The following ASTN2 variants were observed in gnomAD, a reference collection of about 807,000 sequenced individuals.
The protein encoded by ASTN2 is astrotactin-2.
A neutral mutation model predicts 139.8 loss-of-function variants in ASTN2; 54 were observed. The observed-to-expected ratio is 0.39, with a 90% CI of 0.31 to 0.48. The LOEUF is 0.48. Among genes scored for constraint, ASTN2 ranks in the 20% least tolerant of loss-of-function variants. The pLI, the probability that ASTN2 is intolerant of heterozygous loss-of-function variation, is 0.95. For missense variants in ASTN2, 1,565 were observed against 1,725.1 expected (o/e 0.91, Z 1.64); for synonymous variants, 756 against 719.5 (o/e 1.05, Z -0.81).
chr9:117,402,185 G>T, intron 1 of ASTN2, among the ~76,000 whole-genome samples: 1 of 152,140 alleles, frequency 6.6e-6, no homozygotes, highest in East Asian at 1.9e-4. Flanking sequence ...TCCTGCCCCG[G>T]CCTCCTCTGT....
In ASTN2 at chr9:116,623,113, T is replaced by C. The variant is rs1272316032; in HGVS notation, c.3073-2670A>G. ...AGTGACACAGATGGGAAGGTTGCACTGGACCCCAGCAATGGGAAGAGAGAG... is the reference window on the plus strand; with the variant it reads ...AGTGACACAGATGGGAAGGTTGCACCGGACCCCAGCAATGGGAAGAGAGAG... On this transcript the variant is annotated intron_variant, in intron 17 of 22. Coordinates refer to ENST00000313400, the MANE Select transcript of ASTN2 (RefSeq NM_001365068.1). Among the ~76,000 whole-genome samples, 23 of 147,188 alleles carry C rather than the reference T, an allele frequency of 1.6e-4. No homozygotes were observed. In the Admixed American group the frequency reaches 1.6e-3, roughly 10 times the overall value.
intron 13 of ASTN2, among the ~76,000 whole-genome samples, chr9:116,795,029 T>G (rs985267398): frequency 1.4e-4 from 21 of 152,226 alleles, no homozygotes; most frequent in Middle Eastern, 3.2e-3. Context: ...CAGGCTAGAG[T>G]GCAATGGTGC....
chr9:116,666,166 C>T (rs1858849974), intron 16 of ASTN2, among the ~76,000 whole-genome samples: 1 of 152,124 alleles, frequency 6.6e-6, no homozygotes, highest in Admixed American at 6.6e-5. Flanking sequence ...ATGGATTGGA[C>T]TGATAGGTAC....
intron 13 of ASTN2, among the ~76,000 whole-genome samples, chr9:116,761,478 C>A (rs1202870361): frequency 1.3e-5 from 2 of 152,076 alleles, no homozygotes; most frequent in African/African-American, 4.8e-5. Context: ...AAAGAAGACT[C>A]CTGGAGGAGT....
At chr9:117,232,191 G>A (rs1483064215) in intron 2 of ASTN2, among the ~76,000 whole-genome samples, 1 of 152,140 alleles carries the variant, frequency 6.6e-6, no homozygotes, top group African/African-American at 2.4e-5. Flanking sequence ...GCATCATGAG[G>A]GTCCCATGAG....
At chr9:117,029,070 C>T (rs1174219883) in intron 6 of ASTN2, among the ~76,000 whole-genome samples, 1 of 152,166 alleles carries the variant, frequency 6.6e-6, no homozygotes, top group Non-Finnish European at 1.5e-5. Context: ...CAAAATAATT[C>T]TGTTCAACCT....
At chr9:116,738,479 A>T (rs867295760) in intron 13 of ASTN2, among the ~76,000 whole-genome samples, 33 of 142,638 alleles carry the variant, frequency 2.3e-4, no homozygotes, top group African/African-American at 8.6e-4. Context: ...ATCTCAGAAG[A>T]AAAAAAAAAA....
At chr9:116,634,262 C>G (rs556397092) in intron 17 of ASTN2, among the ~76,000 whole-genome samples, 3 of 152,192 alleles carry the variant, frequency 2.0e-5, no homozygotes, top group African/African-American at 7.2e-5. Flanking sequence ...AGGTCCTGAA[C>G]TTGGGTATTC....
chr9:116,684,190 AAC>A (rs1050531419), intron 16 of ASTN2, among the ~76,000 whole-genome samples: 16 of 152,256 alleles, frequency 1.1e-4, no homozygotes, highest in Admixed American at 1.0e-3. Flanking sequence ...TTCCTCATGG[AAC>A]AGAGTTCCAT....
intron 13 of ASTN2, among the ~76,000 whole-genome samples, chr9:116,772,858 C>T (rs967835897): frequency 1.3e-5 from 2 of 152,156 alleles, no homozygotes; most frequent in South Asian, 2.1e-4. Flanking sequence ...GGGGGCTTAG[C>T]TTTAGGCTAG....
intron 19 of ASTN2, among the ~76,000 whole-genome samples, chr9:116,551,562 C>A (rs544980144): frequency 7.2e-5 from 11 of 152,324 alleles, no homozygotes; most frequent in African/African-American, 2.4e-4. Flanking sequence ...GGAATTGCTT[C>A]TCCTCCAATC....
At chr9:116,913,279 C>A (rs1488632975) in intron 10 of ASTN2, among the ~76,000 whole-genome samples, 1 of 152,214 alleles carries the variant, frequency 6.6e-6, no homozygotes, top group Non-Finnish European at 1.5e-5. Flanking sequence ...ACTCCTTTTA[C>A]TTTCCCTGAC....
chr9:117,196,169 G>C (rs981714209), intron 3 of ASTN2, among the ~76,000 whole-genome samples: 1 of 152,070 alleles, frequency 6.6e-6, no homozygotes, highest in Non-Finnish European at 1.5e-5. Flanking sequence ...GTGTTACCTT[G>C]AGCAAGTTAC....
chr9:116,699,902 T>C lies in ASTN2; in HGVS notation c.2806+25869A>G. ...CCCGCTTCCCACCTAAATTTAGAGC[T>C]TTAAAAGATGCACTGCCCAAATAGG... On this transcript the variant is annotated intron_variant, in intron 16 of 22. Transcript: ENST00000313400. This position sits in a 1 kb window ranked among gnomAD's most constrained non-coding sequence, Gnocchi z 4.2. 1 of 743,884 alleles carries C rather than the reference T, an allele frequency of 1.3e-6. No homozygotes were observed. The highest frequency in any genetic ancestry group is 2.2e-6 in the Non-Finnish European group (1 of 453,342). 46.1% of individuals were successfully genotyped at this position (743,884 alleles called of 1,614,324 possible).
chr9:117,099,468 C>T (rs1028801611), intron 4 of ASTN2, among the ~76,000 whole-genome samples: 1 of 152,194 alleles, frequency 6.6e-6, no homozygotes, highest in African/African-American at 2.4e-5. Context: ...AGACTTTATT[C>T]TTTCCCTACT....
At chr9:116,839,825 C>G (rs1832139381) in intron 11 of ASTN2, among the ~76,000 whole-genome samples, 3 of 146,292 alleles carry the variant, frequency 2.1e-5, no homozygotes, top group Admixed American at 2.0e-4. Context: ...TGCCCGCCAC[C>G]ACACCCAGCT....
At chr9:117,273,484 A>G (rs1834113384) in intron 2 of ASTN2, among the ~76,000 whole-genome samples, 1 of 152,202 alleles carries the variant, frequency 6.6e-6, no homozygotes, top group South Asian at 2.1e-4. Context: ...GAGATTAGAT[A>G]AGGGACGAGT....
At chr9:117,238,773 C>T (rs573645457) in intron 2 of ASTN2, among the ~76,000 whole-genome samples, 58 of 152,250 alleles carry the variant, frequency 3.8e-4, no homozygotes, top group East Asian at 1.4e-3. Context: ...CCAGTGACCG[C>T]TATAAAGATT....
At chr9:116,553,248 A>T (rs913824307) in intron 19 of ASTN2, among the ~76,000 whole-genome samples, 3 of 152,148 alleles carry the variant, frequency 2.0e-5, no homozygotes, top group Non-Finnish European at 4.4e-5. Flanking sequence ...AATGGTCGAT[A>T]ATCACTCGGA....
Sources: allele counts gnomAD v4.1 joint callset (sites outside exome capture counted in the v4.1 genomes callset), GRCh38; gene constraint gnomAD v4.1.1; non-coding constraint Gnocchi (gnomAD v3.1); transcripts MANE v1.5; gene names NCBI Gene and HGNC (gene_info 2026-07-23, HGNC 2026-07-21).